The following MAP7 variants were observed in gnomAD, a reference collection of about 807,000 sequenced individuals.
MAP7 encodes the protein ensconsin.
Under a neutral mutation model 94.8 loss-of-function variants are expected in MAP7, and 52 were observed. The ratio of observed to expected loss-of-function variants is 0.55; its 90% CI spans 0.44 to 0.69. MAP7 has a LOEUF of 0.69. Among genes scored for constraint, MAP7 ranks in the 30% least tolerant of loss-of-function variants. The pLI is 0.00. For synonymous variants in MAP7, 350 were observed against 357.0 expected, an observed-to-expected ratio of 0.98 and a Z score of 0.22; for missense variants, 940 against 964.6, an observed-to-expected ratio of 0.97 and a Z score of 0.34.
intron 8 of MAP7, among the ~76,000 whole-genome samples, chr6:136,370,418 G>A (rs1231331330): frequency 6.6e-6 from 1 of 152,184 alleles, no homozygotes; most frequent in Non-Finnish European, 1.5e-5. Context: ...TATATATCAA[G>A]TGAAATTGAA....
At chr6:136,392,396 T>C in intron 3 of MAP7, among the ~76,000 whole-genome samples, 1 of 150,856 alleles carries the variant, frequency 6.6e-6, no homozygotes, top group South Asian at 2.1e-4. Context: ...TGCTTTTTTT[T>C]TTTTTTTTTT....
intron 1 of MAP7, among the ~76,000 whole-genome samples, chr6:136,543,885 AAAAAGAAAAT>A (rs1280235500): frequency 2.0e-5 from 3 of 152,196 alleles, no homozygotes; most frequent in Admixed American, 6.5e-5. Context: ...ACAAAACTAA[AAAAAGAAAAT>A]AAAAGAAAAT....
intron 3 of MAP7, among the ~76,000 whole-genome samples, chr6:136,410,864 C>CA (rs1460087091): frequency 1.3e-5 from 2 of 152,204 alleles, no homozygotes; most frequent in Non-Finnish European, 2.9e-5. Flanking sequence ...GATACCCTGT[C>CA]AGTCTAGTTT....
chr6:136,477,276 A>C (rs1330327069), intron 1 of MAP7, among the ~76,000 whole-genome samples: 3 of 152,226 alleles, frequency 2.0e-5, no homozygotes, highest in Non-Finnish European at 4.4e-5. Context: ...TCATAAGGAA[A>C]TATCAGGCAA....
At chr6:136,509,745 T>C (rs967693954) in intron 1 of MAP7, among the ~76,000 whole-genome samples, 1 of 152,150 alleles carries the variant, frequency 6.6e-6, no homozygotes, top group African/African-American at 2.4e-5. Flanking sequence ...TTTGCAGAGA[T>C]GGAGTATCAC....
intron 2 of MAP7, among the ~76,000 whole-genome samples, chr6:136,413,527 A>G (rs1562372239): frequency 6.9e-6 from 1 of 144,540 alleles, no homozygotes; most frequent in Admixed American, 7.2e-5. Context: ...CCGTCTCAGA[A>G]AAAAAAAAAA....
At chr6:136,519,903 AAAC>A (rs1377397385) in intron 1 of MAP7, among the ~76,000 whole-genome samples, 3 of 152,164 alleles carry the variant, frequency 2.0e-5, no homozygotes, top group Non-Finnish European at 4.4e-5. Context: ...GCATGACAGA[AAAC>A]AACAAAACAG....
In MAP7 at chr6:136,550,027, G is replaced by A. The variant is rs1562499209; in HGVS notation, c.67+315C>T. On this transcript the variant is annotated intron_variant, in intron 1 of 17. Coordinates refer to ENST00000354570, the MANE Select transcript of MAP7 (RefSeq NM_003980.6). This position sits in a 1 kb window ranked among gnomAD's most constrained non-coding sequence, Gnocchi z 5.1. ...GAATTAGACCCGAGGCCGCGGCGGGGAGGGCAGCGGCCGGGGTCTCTCCGT... is the reference window on the plus strand; with the variant it reads ...GAATTAGACCCGAGGCCGCGGCGGGAAGGGCAGCGGCCGGGGTCTCTCCGT... 6.6e-6 allele frequency among the ~76,000 whole-genome samples: 1 copy of A among 152,138 alleles called. No individual in the cohort carries two copies. The highest frequency in any genetic ancestry group is 1.5e-5 in the Non-Finnish European group (1 of 68,002).
chr6:136,433,842 C>T (rs1024222217), intron 1 of MAP7, among the ~76,000 whole-genome samples: 5 of 152,174 alleles, frequency 3.3e-5, no homozygotes, highest in Non-Finnish European at 5.9e-5. Flanking sequence ...ACTCCATGCC[C>T]ACTTCAAAGC....
intron 1 of MAP7, among the ~76,000 whole-genome samples, chr6:136,462,285 GC>G (rs1805502832): frequency 6.6e-6 from 1 of 152,114 alleles, no homozygotes; most frequent in Non-Finnish European, 1.5e-5. Context: ...AGGATTGGGG[GC>G]TTTTAATGTA....
At chr6:136,397,244 AATTT>A (rs1782735592) in intron 3 of MAP7, among the ~76,000 whole-genome samples, 1 of 152,190 alleles carries the variant, frequency 6.6e-6, no homozygotes, top group Non-Finnish European at 1.5e-5. Flanking sequence ...ATAAAAAGTT[AATTT>A]ATTATAAGAG....
chr6:136,426,485 A>T (rs556392653), intron 1 of MAP7, among the ~76,000 whole-genome samples: 4 of 152,256 alleles, frequency 2.6e-5, no homozygotes, highest in Admixed American at 6.5e-5. Context: ...AAATCCATAA[A>T]CCCACAGAGG....
At chr6:136,397,113 GC>G (rs920329902) in intron 3 of MAP7, among the ~76,000 whole-genome samples, 1 of 152,074 alleles carries the variant, frequency 6.6e-6, no homozygotes, top group Non-Finnish European at 1.5e-5. Context: ...CAGCAAATAG[GC>G]AAATTAAACA....
At chr6:136,413,368 C>CA (rs1788118205) in intron 2 of MAP7, among the ~76,000 whole-genome samples, 1 of 151,718 alleles carries the variant, frequency 6.6e-6, no homozygotes, top group Admixed American at 6.6e-5. Flanking sequence ...ACTAAAAATA[C>CA]AAAAATTAGC....
chr6:136,438,181 G>GA (rs1048962509), intron 1 of MAP7, among the ~76,000 whole-genome samples: 5 of 152,202 alleles, frequency 3.3e-5, no homozygotes, highest in Non-Finnish European at 7.3e-5. Context: ...CTACTGTAGA[G>GA]AAAAAACATA....
chr6:136,451,836 C>T (rs1801214191), intron 1 of MAP7, among the ~76,000 whole-genome samples: 2 of 152,118 alleles, frequency 1.3e-5, no homozygotes, highest in South Asian at 4.2e-4. Flanking sequence ...GCAGCTGTTG[C>T]AGAAACAGCA....
chr6:136,397,476 T>C (rs905289699), intron 3 of MAP7, among the ~76,000 whole-genome samples: 2 of 152,180 alleles, frequency 1.3e-5, no homozygotes, highest in African/African-American at 4.8e-5. Flanking sequence ...GCAACTGTTA[T>C]TGACTGAATT....
chr6:136,546,031 G>A, intron 1 of MAP7, among the ~76,000 whole-genome samples: 1 of 151,906 alleles, frequency 6.6e-6, no homozygotes, highest in South Asian at 2.1e-4. Flanking sequence ...TTTGTTTTTT[G>A]AGACATGGTC....
chr6:136,438,247 G>A (rs1307308278), intron 1 of MAP7, among the ~76,000 whole-genome samples: 1 of 152,228 alleles, frequency 6.6e-6, no homozygotes, highest in African/African-American at 2.4e-5. Flanking sequence ...CATTGTGCTA[G>A]AAGCTTTACA....
Sources: allele counts gnomAD v4.1 joint callset (sites outside exome capture counted in the v4.1 genomes callset), GRCh38; gene constraint gnomAD v4.1.1; non-coding constraint Gnocchi (gnomAD v3.1); transcripts MANE v1.5; gene names NCBI Gene and HGNC (gene_info 2026-07-23, HGNC 2026-07-21).